The following PASK variants were observed in gnomAD, a reference collection of about 807,000 sequenced individuals.
PASK encodes PAS domain-containing serine/threonine-protein kinase.
A neutral mutation model predicts 121.0 loss-of-function variants in PASK; 110 were observed. The ratio of observed to expected loss-of-function variants is 0.91; its 90% confidence interval spans 0.78 to 1.06. The LOEUF (loss-of-function observed/expected upper bound fraction) is 1.06, where lower values mean the gene tolerates loss of function less well. Ranked by LOEUF, PASK falls within the 50% of genes least tolerant of loss-of-function variation. The pLI is 0.00. For missense variants in PASK, 1,643 were observed against 1,702.3 expected (o/e 0.97, Z 0.61); for synonymous variants, 686 against 717.8 (o/e 0.96, Z 0.71).
rs747369272 is a variant in PASK at position 241,115,429 on chromosome 2, A to G, written c.3073-16T>C. 6.2e-7 allele frequency: 1 copy of G among 1,613,552 alleles called. No individual in the cohort carries two copies. Among genetic ancestry groups the G allele is most frequent in the African/African-American group, 1.3e-5 (1 of 74,766 alleles). ...TCACCACCACCTGTGAGGAAGACAG[A>G]GCGTAGTGGAAATAGCTGGAGCCAG... On this transcript the variant is annotated splice_polypyrimidine_tract_variant and intron_variant, in intron 12 of 17. Coordinates refer to ENST00000234040, the MANE Select transcript of PASK (RefSeq NM_015148.4).
rs1363294686 is a variant in PASK at position 241,135,933 on chromosome 2, C to A, written c.1244G>T (p.Ser415Ile). 1 of 1,614,260 alleles carries A rather than the reference C, an allele frequency of 6.2e-7. No individual in the cohort carries two copies. The highest frequency in any genetic ancestry group is 1.7e-5 in the Admixed American group (1 of 60,032). ...GTCCAAGGTTCTCTCCCCACACCCA[C>A]TCTCATTGCCGACGTCCAGGCAGCT... Reference protein sequence around the residue: ...LASCLDVGNESGCGERTLDPW... With the variant: ...LASCLDVGNEIGCGERTLDPW... The change falls in exon 8 of 18, where the codon AGT becomes ATT. Residue 415 changes from serine (S) to isoleucine (I), a missense_variant. Ser to Ile is a moderately radical substitution (Grantham distance 142, BLOSUM62 -2). Around this residue, in one of 3 missense-constraint regions of PASK, gnomAD observed 1,176 missense variants for 1,162.2 expected, o/e 1.01. Transcript: ENST00000234040.
chr2:241,149,387 C>T (rs2067171767), intron 1 of PASK, 27 bp downstream of exon 1: 1 of 415,392 alleles, frequency 2.4e-6, no homozygotes, highest in Non-Finnish European at 4.3e-6. Flanking sequence ...GGAGCCCGGC[C>T]CGCTCTCCCG....
Position 241,108,133 on chromosome 2 carries a change from T to C in PASK, c.3667+34A>G. ...AAAAGTGGCTGGTCTCTAAGGACAG[T>C]GTCGACTGTCTACCACTTGCAGCTC... On this transcript the variant is annotated intron_variant, in intron 16 of 17. Coordinates refer to ENST00000234040, the MANE Select transcript of PASK (RefSeq NM_015148.4). The surrounding 1 kb of genome is among the most constrained non-coding windows in gnomAD (Gnocchi z 5.2). The C allele has an allele frequency of 6.2e-7, 1 of 1,612,980 alleles. No individual in the cohort carries two copies. Among genetic ancestry groups the C allele is most frequent in the Non-Finnish European group, 8.5e-7 (1 of 1,179,036 alleles).
chr2:241,130,765 C>T (rs1057501523), intron 9 of PASK, among the ~76,000 whole-genome samples: 12 of 152,018 alleles, frequency 7.9e-5, no homozygotes, highest in African/African-American at 2.9e-4. Context: ...ACCGGCACAT[C>T]GGCCAGTGGG....
At chr2:241,148,782 G>A (rs993137616) in intron 1 of PASK, among the ~76,000 whole-genome samples, 1 of 152,186 alleles carries the variant, frequency 6.6e-6, no homozygotes, top group East Asian at 1.9e-4. Flanking sequence ...GGTAGCAGCA[G>A]AAAGATGAAG....
Position 241,127,339 on chromosome 2 carries a change from C to T in PASK, c.1576G>A (p.Gly526Arg), listed in dbSNP as rs146166509. 3.1e-4 allele frequency: 507 copies of T among 1,614,192 alleles called. 1 individual carries two copies. The highest frequency in any genetic ancestry group is 4.1e-4 in the Non-Finnish European group (486 of 1,180,030). ...REEPVAIESP[G>R]QDLLGESRSE... ...CTGCTTTCTCCCAGAAGATCCTGTC[C>T]GGGGCTCTCTATTGCCACAGGTTCC... The change falls in exon 10 of 18, where the codon GGA becomes AGA. Residue 526 changes from glycine (G) to arginine (R), a missense_variant. By Grantham distance (125) the Gly-to-Arg change is moderately radical. This residue lies in a region of PASK where 1,176 missense variants were observed against 1,162.2 expected (regional missense o/e 1.01). Transcript: ENST00000234040.
intron 1 of PASK, among the ~76,000 whole-genome samples, chr2:241,148,784 A>C (rs1031891660): frequency 6.6e-6 from 1 of 152,232 alleles, no homozygotes; most frequent in African/African-American, 2.4e-5. Context: ...TAGCAGCAGA[A>C]AGATGAAGAG....
chr2:241,126,136 A>G (rs2065847736), intron 10 of PASK, 60 bp downstream of exon 10: 1 of 1,470,070 alleles, frequency 6.8e-7, no homozygotes, highest in South Asian at 1.1e-5. Flanking sequence ...AAGGCCCTGC[A>G]CCCCCACTGC....
chr2:241,109,059 C>T (rs2065001608), intron 15 of PASK: 1 of 113,536 alleles, frequency 8.8e-6, no homozygotes, highest in Non-Finnish European at 1.7e-5. Context: ...CCATTTATTT[C>T]CTGTCGCCGT....
At chr2:241,135,319 C>T (rs1017604243) in intron 8 of PASK, among the ~76,000 whole-genome samples, 9 of 152,174 alleles carry the variant, frequency 5.9e-5, no homozygotes, top group African/African-American at 2.2e-4. Context: ...TCCAGGACCC[C>T]CAGAATGCCA....
At position 241,108,401 on chromosome 2, in the gene PASK, C is replaced by CCAGGT. The variant is rs2064975151; in HGVS notation, c.3534-102_3534-101insACCTG. On this transcript the variant is annotated intron_variant, in intron 15 of 17. Coordinates refer to ENST00000234040, the MANE Select transcript of PASK (RefSeq NM_015148.4). This position sits in a 1 kb window ranked among gnomAD's most constrained non-coding sequence, Gnocchi z 5.2. ...TGGCCCTTCCCGACCAGCACACAGG[C>CCAGGT]CAGGCAGTGGTTTCCCAAGAGGAGG... is the stretch of plus-strand genomic sequence containing the variant. The CCAGGT allele has an allele frequency of 1.6e-6, 2 of 1,220,594 alleles. No homozygotes were observed. Among genetic ancestry groups the CCAGGT allele is most frequent in the African/African-American group, 3.0e-5 (2 of 66,136 alleles). The allele number at this position is 1,220,594 out of a possible 1,614,324, so 75.6% of individuals were successfully genotyped here. A position where few individuals can be genotyped will look rare whatever the true frequency, so the allele number is the denominator to read the frequency against.
chr2:241,146,150 A>G lies in PASK; in HGVS notation c.-42-3076T>C, dbSNP rs1216722842. Among the ~76,000 whole-genome samples, 4 of 152,360 alleles carry G rather than the reference A, an allele frequency of 2.6e-5. No individual in the cohort carries two copies. The East Asian group carries it at 7.7e-4, about 29-fold the overall frequency. On this transcript the variant is annotated intron_variant, in intron 1 of 17. Coordinates refer to ENST00000234040, the MANE Select transcript of PASK (RefSeq NM_015148.4). ...CAATAAAAAATGTCAAGAAATAGGAACAAGCGTTTTACAGGAGAGGAAATC... is the reference window on the plus strand; with the variant it reads ...CAATAAAAAATGTCAAGAAATAGGAGCAAGCGTTTTACAGGAGAGGAAATC...
intron 14 of PASK, chr2:241,113,543 A>G (rs945398437): frequency 6.6e-5 from 12 of 182,530 alleles, no homozygotes; most frequent in Non-Finnish European, 1.1e-4. Flanking sequence ...AAATACACAT[A>G]TACAAGCATG....
intron 1 of PASK, among the ~76,000 whole-genome samples, chr2:241,144,158 G>A (rs1193780888): frequency 3.3e-5 from 5 of 152,176 alleles, no homozygotes; most frequent in Non-Finnish European, 7.3e-5. Context: ...GCGTGTGTGT[G>A]TGCGCGCATG....
chr2:241,139,594 T>C (rs531642961), intron 4 of PASK: 1 of 650,182 alleles, frequency 1.5e-6, no homozygotes. Flanking sequence ...TGCAAAACAT[T>C]AGTGAAGCTA....
chr2:241,132,454 TTGCAA>T (rs1204810719), intron 9 of PASK, among the ~76,000 whole-genome samples: 7 of 130,984 alleles, frequency 5.3e-5, no homozygotes, highest in South Asian at 2.6e-4. Flanking sequence ...GAGGCGGAGC[TTGCAA>T]TGCAATGAGC....
In PASK at chr2:241,126,639, C is replaced by A. The variant is rs1323643220; in HGVS notation, c.2276G>T (p.Cys759Phe). The A allele has an allele frequency of 6.2e-7, 1 of 1,614,208 alleles. No homozygotes were observed. Among genetic ancestry groups the A allele is most frequent in the Admixed American group, 1.7e-5 (1 of 60,032 alleles). The change falls in exon 10 of 18, where the codon TGT (cysteine) becomes TTT (phenylalanine). Residue 759 changes from cysteine (C) to phenylalanine (F), a missense_variant. Coordinates refer to ENST00000234040, the MANE Select transcript of PASK (RefSeq NM_015148.4). ...SDQTDQTSSN[C>F]SCATSELRET... ...TCTGAGTTCAGACGTAGCACAGGAA[C>A]AATTTGATGACGTTTGGTCTGTCTG... is the stretch of plus-strand genomic sequence containing the variant.
intron 11 of PASK, among the ~76,000 whole-genome samples, chr2:241,123,174 C>CTTT (rs528024638): frequency 1.5e-5 from 2 of 132,934 alleles, no homozygotes; most frequent in African/African-American, 2.8e-5. Context: ...AAAGTGGCTT[C>CTTT]TTTTTTTTTT....
At chr2:241,131,543 G>A (rs1328591372) in intron 9 of PASK, among the ~76,000 whole-genome samples, 3 of 152,114 alleles carry the variant, frequency 2.0e-5, no homozygotes, top group Non-Finnish European at 2.9e-5. Context: ...CAACTATGTG[G>A]ATAAATATCA....
Sources: allele counts gnomAD v4.1 joint callset (sites outside exome capture counted in the v4.1 genomes callset), GRCh38; gene constraint gnomAD v4.1.1; regional missense constraint gnomAD v4.1.1; non-coding constraint Gnocchi (gnomAD v3.1); transcripts MANE v1.5; gene names NCBI Gene and HGNC (gene_info 2026-07-23, HGNC 2026-07-21).